Variants in PLEKHG4B observed in about 807,000 individuals in gnomAD.
PLEKHG4B encodes the protein pleckstrin homology domain-containing family G member 4B.
In PLEKHG4B, 111 loss-of-function variants were observed where a neutral mutation model predicts 121.3. That is an observed-to-expected ratio of 0.92 (90% confidence interval 0.78 to 1.07). The LOEUF (loss-of-function observed/expected upper bound fraction) is 1.07. Among genes scored for constraint, PLEKHG4B ranks in the 50% least tolerant of loss-of-function variants. The probability of loss-of-function intolerance (pLI) is 0.00; values close to 1 mark genes in which losing one functional copy is unlikely to be tolerated. For synonymous variants in PLEKHG4B, 738 were observed against 725.0 expected (o/e 1.02, Z -0.29); for missense variants, 1,831 against 1,757.8 (o/e 1.04, Z -0.74).
At chr5:145,873 C>T (rs550830194) in intron 6 of PLEKHG4B, among the ~76,000 whole-genome samples, 7 of 152,196 alleles carry the variant, frequency 4.6e-5, no homozygotes, top group East Asian at 1.9e-4. Flanking sequence ...AAACCCATTT[C>T]GCCCTTGCTG....
At chr5:95,593 T>G (rs570634709) in intron 1 of PLEKHG4B, among the ~76,000 whole-genome samples, 2 of 152,246 alleles carry the variant, frequency 1.3e-5, no homozygotes, top group African/African-American at 4.8e-5. Flanking sequence ...TTCCCTCCCT[T>G]CCCAGCCTTA....
chr5:162,994 C>T lies in PLEKHG4B; in HGVS notation c.2922C>T (p.Pro974=), dbSNP rs115517537. 844 of 1,567,436 alleles carry T rather than the reference C, an allele frequency of 5.4e-4. 7 individuals carry two copies. The African/African-American group carries it at 9.9e-3, about 18-fold the overall frequency. Residue 974 remains proline (P), a synonymous_variant, in exon 13 of 20, where the codon CCC becomes CCT. Coordinates refer to ENST00000637938, the MANE Select transcript of PLEKHG4B (RefSeq NM_052909.5). ...DPSLPPLAQS[P]PKHERAQEAM... ...GCTTACCGCCCCTTGCCCAGAGCCC[C>T]CCAAAGCATGAGCGTGCCCAGGAGG...
At chr5:146,944 C>T (rs1735440835) in intron 6 of PLEKHG4B, among the ~76,000 whole-genome samples, 1 of 152,088 alleles carries the variant, frequency 6.6e-6, no homozygotes, top group Non-Finnish European at 1.5e-5. Context: ...CTACCTGAGA[C>T]TTGGAGGAGA....
Position 174,068 on chromosome 5 carries a change from A to C in PLEKHG4B, c.4372A>C (p.Ile1458Leu). ...TGCATGGACCGATGTCATAGGGAGG[A>C]TCCTGTGGCGGCAGGCACTAAAGAG... ...KSAWTDVIGR[I>L]LWRQALKSRE... The change falls in exon 18 of 20, where the codon ATC becomes CTC. Residue 1458 changes from isoleucine (I) to leucine (L), a missense_variant. Coordinates refer to ENST00000637938, the MANE Select transcript of PLEKHG4B (RefSeq NM_052909.5). The C allele has an allele frequency of 6.3e-7, 1 of 1,590,900 alleles. No individual in the cohort carries two copies. Among genetic ancestry groups the C allele is most frequent in the Non-Finnish European group, 8.5e-7 (1 of 1,169,982 alleles).
chr5:166,946 G>A (rs140117966), intron 13 of PLEKHG4B, among the ~76,000 whole-genome samples: 2 of 152,210 alleles, frequency 1.3e-5, no homozygotes, highest in Non-Finnish European at 2.9e-5. Context: ...TAAGAGGAAC[G>A]CCAAGCGCTG....
At chr5:104,764 C>T (rs572791385) in intron 1 of PLEKHG4B, among the ~76,000 whole-genome samples, 2 of 152,352 alleles carry the variant, frequency 1.3e-5, no homozygotes, top group Non-Finnish European at 2.9e-5. Context: ...ACCATTGCCG[C>T]TCAACTCAGA....
intron 1 of PLEKHG4B, among the ~76,000 whole-genome samples, chr5:96,021 C>G (rs944526786): frequency 6.6e-6 from 1 of 152,160 alleles, no homozygotes; most frequent in African/African-American, 2.4e-5. Context: ...ACTGGGACAT[C>G]GGGGGATTGG....
intron 19 of PLEKHG4B, 148 bp downstream of exon 19, chr5:181,823 G>A (rs1207144996): frequency 1.8e-5 from 24 of 1,323,730 alleles, no homozygotes; most frequent in Non-Finnish European, 2.1e-5. Context: ...CGGTGGCCTC[G>A]GCCCCGCCCT....
intron 1 of PLEKHG4B, among the ~76,000 whole-genome samples, chr5:111,763 C>T (rs1036113596): frequency 1.3e-5 from 2 of 152,192 alleles, no homozygotes; most frequent in African/African-American, 4.8e-5. Context: ...AGATGCCTCT[C>T]CTAGATCATG....
chr5:119,688 G>GA (rs1734411918), intron 2 of PLEKHG4B, among the ~76,000 whole-genome samples: 1 of 152,190 alleles, frequency 6.6e-6, no homozygotes, highest in African/African-American at 2.4e-5. Flanking sequence ...GTAAATAACA[G>GA]AAGCCACTGT....
chr5:181,578 C>A lies in PLEKHG4B; in HGVS notation c.4467C>A (p.Pro1489=). ...ACCAGCCATTCATGGATGTCAAGCC[C>A]AGAGACCGGACCCCTGACTGTGCAG... ...IGNQPFMDVK[P]RDRTPDCAVI... The change falls in exon 19 of 20, where the codon CCC becomes CCA. Residue 1489 remains proline, a synonymous_variant. Transcript: ENST00000637938. 1 of 1,614,138 alleles carries A rather than the reference C, an allele frequency of 6.2e-7. No homozygotes were observed. Among genetic ancestry groups the A allele is most frequent in the Non-Finnish European group, 8.5e-7 (1 of 1,180,006 alleles).
intron 2 of PLEKHG4B, among the ~76,000 whole-genome samples, chr5:134,502 A>G (rs1734888855): frequency 1.3e-5 from 2 of 152,110 alleles, no homozygotes; most frequent in Admixed American, 1.3e-4. Flanking sequence ...ATGGTGGGTC[A>G]TGCCTGTGAT....
At position 141,879 on chromosome 5, in the gene PLEKHG4B, C is replaced by T. The variant is rs376538950; in HGVS notation, c.1477+1163C>T. Reference sequence around the variant, plus strand: ...AGCCCTCCTTTCCGTGGGCTCCCCCCGCGGTGCCTGGAGACAGCCACGCCT... The same window carrying T: ...AGCCCTCCTTTCCGTGGGCTCCCCCTGCGGTGCCTGGAGACAGCCACGCCT... On this transcript the variant is annotated intron_variant, in intron 3 of 19. Coordinates refer to ENST00000637938, the MANE Select transcript of PLEKHG4B (RefSeq NM_052909.5). Among the ~76,000 whole-genome samples the T allele has an allele frequency of 5.5e-4, 84 of 152,268 alleles. 1 individual carries two copies. The highest frequency in any genetic ancestry group is 2.0e-3 in the Admixed American group (30 of 15,302).
chr5:149,092 G>T (rs1735521460), intron 6 of PLEKHG4B, among the ~76,000 whole-genome samples: 1 of 152,102 alleles, frequency 6.6e-6, no homozygotes, highest in South Asian at 2.1e-4. Context: ...AAACCTAATT[G>T]TAAGACCTAA....
At chr5:155,205 T>C in intron 8 of PLEKHG4B, 140 bp from the exon 9 acceptor site, 2 of 873,416 alleles carry the variant, frequency 2.3e-6, no homozygotes, top group South Asian at 3.1e-5. Flanking sequence ...CGGAAGTGTC[T>C]GTAGATCTCA....
At chr5:110,604 G>T (rs568608581) in intron 1 of PLEKHG4B, among the ~76,000 whole-genome samples, 1 of 112,452 alleles carries the variant, frequency 8.9e-6, no homozygotes, top group Non-Finnish European at 1.8e-5. Context: ...TCTGCAACAC[G>T]TGTGCACACA....
intron 1 of PLEKHG4B, among the ~76,000 whole-genome samples, chr5:96,648 G>A (rs1291862384): frequency 2.0e-5 from 3 of 152,192 alleles, no homozygotes; most frequent in Non-Finnish European, 4.4e-5. Context: ...ACCACATTGG[G>A]CATAGGAGTG....
intron 1 of PLEKHG4B, among the ~76,000 whole-genome samples, chr5:109,549 C>G (rs1444549891): frequency 1.3e-5 from 2 of 152,160 alleles, no homozygotes; most frequent in Non-Finnish European, 2.9e-5. Flanking sequence ...CACGCTAACC[C>G]ACGGGTGACA....
intron 13 of PLEKHG4B, among the ~76,000 whole-genome samples, chr5:165,059 G>A (rs1287050805): frequency 8.8e-5 from 10 of 114,020 alleles, no homozygotes; most frequent in Non-Finnish European, 1.3e-4. Flanking sequence ...CTGACGGGGC[G>A]GAGCTCACAC....
Sources: allele counts gnomAD v4.1 joint callset (sites outside exome capture counted in the v4.1 genomes callset), GRCh38; gene constraint gnomAD v4.1.1; transcripts MANE v1.5; gene names NCBI Gene and HGNC (gene_info 2026-07-23, HGNC 2026-07-21).